The following DNAH12 variants were observed in gnomAD, a reference collection of about 807,000 sequenced individuals.
DNAH12 encodes the protein axonemal beta dynein heavy chain 12.
Under a neutral mutation model 371.5 loss-of-function variants are expected in DNAH12, and 285 were observed. The ratio of observed to expected loss-of-function variants is 0.77; its 90% CI spans 0.70 to 0.85. The LOEUF (loss-of-function observed/expected upper bound fraction) is 0.85. DNAH12 is among the 40% of genes least tolerant of loss of function. The pLI is 0.00. For synonymous variants in DNAH12, 1,200 were observed against 1,213.0 expected (o/e 0.99, Z 0.22); for missense variants, 3,611 against 3,689.4 (o/e 0.98, Z 0.55).
At chr3:57,510,274 T>C (rs192156268) in intron 5 of DNAH12, among the ~76,000 whole-genome samples, 32 of 152,190 alleles carry the variant, frequency 2.1e-4, no homozygotes, top group Admixed American at 2.1e-3. Flanking sequence ...AAAGTACCCT[T>C]AAATTGTAAG....
intron 2 of DNAH12, among the ~76,000 whole-genome samples, chr3:57,529,876 T>C (rs1356602914): frequency 6.6e-6 from 1 of 152,154 alleles, no homozygotes; most frequent in Non-Finnish European, 1.5e-5. Flanking sequence ...CTTATAGCTA[T>C]AAATTTCTCT....
chr3:57,546,156 C>T (rs1018029450), upstream of DNAH12, among the ~76,000 whole-genome samples: 15 of 152,078 alleles, frequency 9.9e-5, no homozygotes, highest in African/African-American at 2.7e-4. Context: ...GTAGCGGGGT[C>T]GGGGGACGAA....
Position 57,296,425 on chromosome 3 carries a change from G to A in DNAH12, c.11543C>T (p.Ser3848Phe), listed in dbSNP as rs1199604462. Residue 3848 changes from serine (S) to phenylalanine (F), a missense_variant, in exon 72 of 74, where the codon TCT (serine) becomes TTT (phenylalanine). Ser to Phe is a radical substitution (Grantham distance 155, BLOSUM62 -2). This residue lies in a region of DNAH12 where 2,266 missense variants were observed against 2,236.9 expected (regional missense o/e 1.01). Transcript: ENST00000495027. ...LLGYEFEVIP[S>F]DTSDTSPEDG... Reference sequence around the variant, plus strand: ...TTCTGGTGATGTGTCAGATGTATCAGATGGGATAACCTGAAGGGATAGGCA... The same window carrying A: ...TTCTGGTGATGTGTCAGATGTATCAAATGGGATAACCTGAAGGGATAGGCA... 5 of 1,550,484 alleles carry A rather than the reference G, an allele frequency of 3.2e-6. No homozygotes were observed. In the East Asian group the frequency reaches 1.2e-4, roughly 38 times the overall value.
At chr3:57,498,486 A>G (rs2067393303) in intron 11 of DNAH12, 4 of 713,578 alleles carry the variant, frequency 5.6e-6, no homozygotes, top group Non-Finnish European at 1.0e-5. Context: ...CTGGCTTAAC[A>G]GTTTCTTAAA....
intron 4 of DNAH12, among the ~76,000 whole-genome samples, chr3:57,521,142 C>A (rs1010113308): frequency 6.7e-6 from 1 of 148,572 alleles, no homozygotes; most frequent in Admixed American, 6.8e-5. Context: ...GAACTCTTTG[C>A]CTAGGCTAGA....
At chr3:57,522,525 G>A (rs1167341443) in intron 4 of DNAH12, among the ~76,000 whole-genome samples, 1 of 152,096 alleles carries the variant, frequency 6.6e-6, no homozygotes, top group African/African-American at 2.4e-5. Flanking sequence ...CTCCAGAAAC[G>A]GGTGGCCAGG....
chr3:57,303,339 C>CAAAAA (rs1310949192), intron 69 of DNAH12, among the ~76,000 whole-genome samples: 6 of 61,400 alleles, frequency 9.8e-5, no homozygotes, highest in Admixed American at 3.7e-4. Flanking sequence ...GACGCCAGCT[C>CAAAAA]AAAAAAAAAA....
At chr3:57,482,928 G>C (rs1350014408) in intron 13 of DNAH12, among the ~76,000 whole-genome samples, 1 of 125,156 alleles carries the variant, frequency 8.0e-6, no homozygotes, top group Non-Finnish European at 1.7e-5. Flanking sequence ...GTTGTGGGGT[G>C]GGGGGAGGGG....
chr3:57,433,664 A>T lies in DNAH12; in HGVS notation c.4820T>A (p.Phe1607Tyr), dbSNP rs1163901426. The T allele has an allele frequency of 6.5e-7, 1 of 1,549,846 alleles. No individual in the cohort carries two copies. The change falls in exon 31 of 74, where the codon TTT (phenylalanine) becomes TAT (tyrosine). Residue 1607 changes from phenylalanine to tyrosine, a missense_variant. Phe to Tyr is a conservative substitution (Grantham distance 22, BLOSUM62 3). Around this residue, in one of 3 missense-constraint regions of DNAH12, gnomAD observed 2,266 missense variants for 2,236.9 expected, o/e 1.01. Coordinates refer to ENST00000495027, the MANE Select transcript of DNAH12 (RefSeq NM_001366028.2). ...GGTTACCTCATGAGACACTGGGTCA[A>T]ACTGTCCAAAAAGTTGGCCCATAGT... Reference protein sequence around the residue: ...SITMGQLFGQFDPVSHEWTDG... With the variant: ...SITMGQLFGQYDPVSHEWTDG...
intron 55 of DNAH12, among the ~76,000 whole-genome samples, chr3:57,374,341 CA>C (rs2063237801): frequency 1.3e-5 from 2 of 152,090 alleles, no homozygotes; most frequent in African/African-American, 4.8e-5. Context: ...TAGTATCTAT[CA>C]CAGCATATTT....
At chr3:57,552,331 A>G in the DNAH12 span, among the ~76,000 whole-genome samples, 1 of 151,988 alleles carries the variant, frequency 6.6e-6, no homozygotes, top group African/African-American at 2.4e-5. Flanking sequence ...TGCTGGGATT[A>G]CAGGCATGAG....
chr3:57,550,680 A>T, the DNAH12 span, among the ~76,000 whole-genome samples: 3 of 145,228 alleles, frequency 2.1e-5, no homozygotes, highest in Non-Finnish European at 3.0e-5. Flanking sequence ...GCCCAGCTAA[A>T]TTTTTTTTTT....
intron 13 of DNAH12, among the ~76,000 whole-genome samples, chr3:57,482,074 A>T (rs959242167): frequency 3.9e-5 from 6 of 152,174 alleles, no homozygotes; most frequent in African/African-American, 1.4e-4. Flanking sequence ...GACAAATGGG[A>T]TCTAATTAAA....
At position 57,471,730 on chromosome 3, in the gene DNAH12, A is replaced by G. The variant is rs2066374886; in HGVS notation, c.1777-124T>C. On this transcript the variant is annotated intron_variant, in intron 14 of 73. Transcript: ENST00000495027. ...AAGTAAAAATGAGTACAAAAATAAA[A>G]CAATGCCTATAATTACTAATATAAA... 3 of 775,792 alleles carry G rather than the reference A, an allele frequency of 3.9e-6. 1 individual carries two copies. In the South Asian group the frequency reaches 9.5e-5, roughly 24 times the overall value. 48.1% of individuals were successfully genotyped at this position (775,792 alleles called of 1,614,324 possible).
intron 2 of DNAH12, among the ~76,000 whole-genome samples, chr3:57,533,255 C>G (rs2068912123): frequency 6.6e-6 from 1 of 151,864 alleles, no homozygotes; most frequent in Non-Finnish European, 1.5e-5. Context: ...TGGCCCAGGG[C>G]AGGTCCAGAA....
At chr3:57,399,157 GA>G (rs1231421545) in intron 43 of DNAH12, among the ~76,000 whole-genome samples, 1 of 151,178 alleles carries the variant, frequency 6.6e-6, no homozygotes, top group Non-Finnish European at 1.5e-5. Context: ...TAACTACAAA[GA>G]AAACATAGAA....
chr3:57,409,995 T>C (rs1297256848), intron 39 of DNAH12, among the ~76,000 whole-genome samples: 2 of 152,004 alleles, frequency 1.3e-5, no homozygotes, highest in Admixed American at 6.6e-5. Flanking sequence ...GGTAGAAAAA[T>C]AGGGTGCTGA....
intron 4 of DNAH12, among the ~76,000 whole-genome samples, chr3:57,519,355 TGG>T (rs919175621): frequency 1.3e-5 from 2 of 152,160 alleles, no homozygotes; most frequent in African/African-American, 4.8e-5. Context: ...TGTATAGAAA[TGG>T]GTAAATTATA....
At chr3:57,549,420 C>T in the DNAH12 span, among the ~76,000 whole-genome samples, 5 of 148,632 alleles carry the variant, frequency 3.4e-5, no homozygotes, top group African/African-American at 1.2e-4. Context: ...GGGAGGCTGA[C>T]GTGGGAGAAT....
Sources: gnomAD v4.1 joint callset for allele counts (sites outside exome capture counted in the v4.1 genomes callset) on GRCh38, gnomAD v4.1.1 for gene constraint, gnomAD v4.1.1 regional missense constraint, MANE v1.5 for transcripts, NCBI Gene and HGNC (gene_info 2026-07-23, HGNC 2026-07-21) for gene names.